Variants in HDAC8 observed in about 807,000 individuals in gnomAD.
HDAC8 encodes the protein histone deacetylase-like 1.
Under a neutral mutation model 32.2 loss-of-function variants are expected in HDAC8, and 1 was observed. The observed-to-expected ratio is 0.03, with a 90% CI of 0.01 to 0.15. The LOEUF is 0.15. Among genes scored for constraint, HDAC8 ranks in the 10% least tolerant of loss-of-function variants. HDAC8 has a pLI of 1.00. For missense variants in HDAC8, 117 were observed against 300.0 expected, an observed-to-expected ratio of 0.39 and a Z score of 4.51; for synonymous variants, 108 against 113.9, an observed-to-expected ratio of 0.95 and a Z score of 0.33.
chrX:72,361,223 C>G (rs943857464), intron 9 of HDAC8, among the ~76,000 whole-genome samples: 35 of 111,836 alleles, frequency 3.1e-4, no homozygotes, highest in Admixed American at 2.8e-3. Context: ...GCTTATACAC[C>G]AGTGCATGGT....
At chrX:72,361,553 A>T (rs1277746632) in intron 9 of HDAC8, among the ~76,000 whole-genome samples, 1 of 110,840 alleles carries the variant, frequency 9.0e-6, no homozygotes, top group African/African-American at 3.3e-5. Context: ...AGAGGCTTTC[A>T]TGAACACATA....
chrX:72,411,697 G>A (rs1256457619), intron 9 of HDAC8, among the ~76,000 whole-genome samples: 1 of 112,145 alleles, frequency 8.9e-6, no homozygotes, highest in Non-Finnish European at 1.9e-5. Flanking sequence ...AGAAAGAGAA[G>A]GAAAATAGAT....
intron 4 of HDAC8, among the ~76,000 whole-genome samples, chrX:72,559,638 C>T (rs1439684387): frequency 4.6e-4 from 49 of 105,395 alleles, no homozygotes; most frequent in African/African-American, 1.6e-3. Context: ...CGTCTCTGCC[C>T]GGCCGCCCAT....
intron 9 of HDAC8, among the ~76,000 whole-genome samples, chrX:72,438,348 C>T (rs1555980181): frequency 1.8e-5 from 2 of 111,928 alleles, no homozygotes; most frequent in Non-Finnish European, 3.8e-5. Flanking sequence ...AGGTCACCAA[C>T]ATCAAAGACC....
chrX:72,489,690 G>A (rs2048796785), intron 6 of HDAC8, among the ~76,000 whole-genome samples: 1 of 110,758 alleles, frequency 9.0e-6, no homozygotes, highest in African/African-American at 3.3e-5. Flanking sequence ...ACATAGGCAT[G>A]GGCAAGGACT....
chrX:72,444,763 A>AC (rs2047318411), intron 9 of HDAC8, among the ~76,000 whole-genome samples: 1 of 102,847 alleles, frequency 9.7e-6, no homozygotes, highest in Non-Finnish European at 2.0e-5. Flanking sequence ...TTTGCAGATG[A>AC]CATGATTGTA....
At chrX:72,494,670 G>A (rs1486166706) in intron 5 of HDAC8, among the ~76,000 whole-genome samples, 1 of 111,603 alleles carries the variant, frequency 9.0e-6, no homozygotes, top group Non-Finnish European at 1.9e-5. Context: ...CTGTTTGTAC[G>A]GCACTAAATA....
chrX:72,354,322 C>G (rs980408009), intron 9 of HDAC8, among the ~76,000 whole-genome samples: 5 of 112,184 alleles, frequency 4.5e-5, no homozygotes, highest in African/African-American at 1.6e-4. Flanking sequence ...TTAGGGGACT[C>G]AGATTGTTTA....
chrX:72,544,862 G>T (rs1248147412), intron 4 of HDAC8, among the ~76,000 whole-genome samples: 1 of 111,931 alleles, frequency 8.9e-6, no homozygotes, highest in Non-Finnish European at 1.9e-5. Context: ...TATGGAAGAG[G>T]TGGAGGAGGA....
intron 9 of HDAC8, among the ~76,000 whole-genome samples, chrX:72,403,096 T>C (rs782590835): frequency 2.3e-4 from 26 of 111,941 alleles, no homozygotes; most frequent in African/African-American, 8.1e-4. Context: ...TTTAAAAAAA[T>C]CTCATCTGAC....
chrX:72,408,104 A>G (rs185907774), intron 9 of HDAC8, among the ~76,000 whole-genome samples: 3 of 112,180 alleles, frequency 2.7e-5, no homozygotes, highest in African/African-American at 9.7e-5. Context: ...AATATATATC[A>G]GTGAATAAGG....
chrX:72,453,813 A>G (rs1477226617), intron 9 of HDAC8, among the ~76,000 whole-genome samples: 6 of 112,418 alleles, frequency 5.3e-5, no homozygotes, highest in African/African-American at 1.6e-4. Flanking sequence ...TATGACACAT[A>G]TTATACAAGG....
chrX:72,543,049 T>G (rs782617269), intron 4 of HDAC8, among the ~76,000 whole-genome samples: 3 of 112,008 alleles, frequency 2.7e-5, no homozygotes, highest in African/African-American at 9.7e-5. Flanking sequence ...AAAGTGATAG[T>G]GCTGGGATTC....
intron 6 of HDAC8, among the ~76,000 whole-genome samples, chrX:72,489,496 T>C (rs1231277541): frequency 9.0e-6 from 1 of 111,545 alleles, no homozygotes; most frequent in Non-Finnish European, 1.9e-5. Context: ...AAACAATCAA[T>C]GGGGAAAGGA....
chrX:72,348,301 G>A (rs1243217712), intron 10 of HDAC8, among the ~76,000 whole-genome samples: 1 of 111,990 alleles, frequency 8.9e-6, no homozygotes, highest in Non-Finnish European at 1.9e-5. Context: ...GGAGGTGGAG[G>A]GGAGGTACAG....
At chrX:72,490,854 T>C (rs2048848502) in intron 6 of HDAC8, 75 bp downstream of exon 6, 2 of 838,312 alleles carry the variant, frequency 2.4e-6, no homozygotes, top group Admixed American at 2.3e-5. Context: ...CATGGAACTG[T>C]CCAAGTATAA....
chrX:72,464,854 C>G lies in HDAC8; in HGVS notation c.738-123G>C. The G allele has an allele frequency of 6.6e-6, 3 of 454,483 alleles. No homozygotes were observed. In the South Asian group the frequency reaches 1.1e-4, roughly 16 times the overall value. 37.5% of individuals were successfully genotyped at this position (454,483 alleles called of 1,213,427 possible). A position where few individuals can be genotyped will look rare whatever the true frequency, so the allele number is the denominator to read the frequency against. ...GTTAAGGGAAAAAAACACAACCTGT[C>G]AAACTCATCAAACTTTCCACTTAAG... On this transcript the variant is annotated intron_variant, in intron 7 of 10. Coordinates refer to ENST00000373573, the MANE Select transcript of HDAC8 (RefSeq NM_018486.3).
At chrX:72,509,370 A>G (rs1373758439) in intron 4 of HDAC8, among the ~76,000 whole-genome samples, 2 of 111,181 alleles carry the variant, frequency 1.8e-5, no homozygotes, top group Admixed American at 1.9e-4. Flanking sequence ...CGGCCTCCCA[A>G]AGTGCTGGGA....
chrX:72,549,411 G>A (rs1244820336), intron 4 of HDAC8, among the ~76,000 whole-genome samples: 2 of 111,166 alleles, frequency 1.8e-5, no homozygotes, highest in African/African-American at 6.6e-5. Context: ...TATCTTCAGT[G>A]AAGGTGATTC....
Sources: gnomAD v4.1 joint callset for allele counts (sites outside exome capture counted in the v4.1 genomes callset) on GRCh38, gnomAD v4.1.1 for gene constraint, MANE v1.5 for transcripts, NCBI Gene and HGNC (gene_info 2026-07-23, HGNC 2026-07-21) for gene names.